The following CIB4 variants were observed in gnomAD, a reference collection of about 807,000 sequenced individuals.
The protein encoded by CIB4 is calcium and integrin binding family member 4, also known as calcium and integrin-binding family member 4.
A neutral mutation model predicts 25.8 loss-of-function variants in CIB4; 25 were observed. The observed-to-expected ratio is 0.97, with a 90% CI of 0.71 to 1.35. CIB4 has a LOEUF of 1.35. Ranked by LOEUF, CIB4 falls within the 40% of genes most tolerant of loss-of-function variation. CIB4 has a pLI of 0.00. For synonymous variants in CIB4, 75 were observed against 81.4 expected, an observed-to-expected ratio of 0.92 and a Z score of 0.42; for missense variants, 235 against 228.2, an observed-to-expected ratio of 1.03 and a Z score of -0.19.
Position 26,595,174 on chromosome 2 carries a change from A to T in CIB4, c.328+2T>A. ...CACCCCTCAGTCCCCCACAGCACCT[A>T]CCATAGATGCGAAAGGCATACTCAA... On this transcript the variant is annotated splice_donor_variant, in intron 4 of 6. Coordinates refer to ENST00000288861, the MANE Select transcript of CIB4 (RefSeq NM_001029881.3). LOFTEE classifies it high-confidence loss of function. 6.2e-7 allele frequency: 1 copy of T among 1,607,312 alleles called. No individual in the cohort carries two copies. The highest frequency in any genetic ancestry group is 1.3e-5 in the African/African-American group (1 of 74,872).
At position 26,627,455 on chromosome 2, in the gene CIB4, C is replaced by T. The variant is rs2148222177; in HGVS notation, c.186+1955G>A. On this transcript the variant is annotated intron_variant, in intron 3 of 6. Transcript: ENST00000288861. The surrounding 1 kb of genome is among the most constrained non-coding windows in gnomAD (Gnocchi z 4.0). ...AGAGAGTCTGGGACTGACCAGTGAC[C>T]CTGCACCCACCCAGGGGAGGGCAGA... 6.6e-6 allele frequency among the ~76,000 whole-genome samples: 1 copy of T among 152,250 alleles called. No homozygotes were observed. The highest frequency in any genetic ancestry group is 2.1e-4 in the South Asian group (1 of 4,818).
chr2:26,589,102 T>TTCC lies in CIB4; in HGVS notation c.329-5205_329-5204insGGA, dbSNP rs1221426403. Among the ~76,000 whole-genome samples, 36 of 70,700 alleles carry TTCC rather than the reference T, an allele frequency of 5.1e-4. 2 individuals are homozygous for TTCC. Among genetic ancestry groups the TTCC allele is most frequent in the Admixed American group, 6.7e-4 (4 of 5,948 alleles). 46.4% of individuals were successfully genotyped at this position (70,700 alleles called of 152,430 possible). On this transcript the variant is annotated intron_variant, in intron 4 of 6. Coordinates refer to ENST00000288861, the MANE Select transcript of CIB4 (RefSeq NM_001029881.3). ...CTTCTTCTTCTTCTTCTTCTTCTTC[T>TTCC]TCTTCCTCTTCTTCTTCTTCTTCTT... is the stretch of plus-strand genomic sequence containing the variant.
At chr2:26,620,195 G>A (rs1302977095) in intron 3 of CIB4, among the ~76,000 whole-genome samples, 5 of 144,984 alleles carry the variant, frequency 3.4e-5, no homozygotes, top group Admixed American at 6.8e-5. Flanking sequence ...CAGACTCCGC[G>A]ACTGAGGAAG....
chr2:26,597,410 C>T (rs1307493131), intron 3 of CIB4, among the ~76,000 whole-genome samples: 1 of 148,824 alleles, frequency 6.7e-6, no homozygotes, highest in Non-Finnish European at 1.5e-5. Context: ...CTCTTTGGAT[C>T]AGTTACGACA....
chr2:26,634,778 G>C (rs910104361), intron 2 of CIB4, among the ~76,000 whole-genome samples: 1 of 152,236 alleles, frequency 6.6e-6, no homozygotes, highest in Admixed American at 6.5e-5. Flanking sequence ...ACCTCCAGAG[G>C]TTCTAGGAAG....
chr2:26,634,538 C>T (rs1374181786), intron 2 of CIB4, among the ~76,000 whole-genome samples: 1 of 152,232 alleles, frequency 6.6e-6, no homozygotes, highest in Non-Finnish European at 1.5e-5. Context: ...GTCCTAATAA[C>T]AACCTTGTGA....
At chr2:26,595,383 T>C (rs1668664134) in intron 3 of CIB4, 66 bp from the exon 4 acceptor site, 3 of 1,536,552 alleles carry the variant, frequency 2.0e-6, no homozygotes. Context: ...CCTGGGTCTC[T>C]CTCATCTATT....
intron 4 of CIB4, among the ~76,000 whole-genome samples, chr2:26,584,524 C>T (rs1668413631): frequency 2.0e-5 from 3 of 152,346 alleles, no homozygotes; most frequent in East Asian, 1.9e-4. Flanking sequence ...TGGGGCTGGC[C>T]ATACTGACCC....
At chr2:26,598,116 A>G (rs1435782834) in intron 3 of CIB4, among the ~76,000 whole-genome samples, 1 of 152,038 alleles carries the variant, frequency 6.6e-6, no homozygotes, top group African/African-American at 2.4e-5. Context: ...CCTGGCCAAC[A>G]TGACGAAACC....
intron 4 of CIB4, among the ~76,000 whole-genome samples, chr2:26,588,788 G>T (rs1263257686): frequency 6.6e-6 from 1 of 152,174 alleles, no homozygotes; most frequent in Admixed American, 6.5e-5. Flanking sequence ...AGGCTGTGCT[G>T]ATGGGAGCAG....
intron 5 of CIB4, among the ~76,000 whole-genome samples, chr2:26,583,379 A>G (rs1394151200): frequency 6.6e-6 from 1 of 152,152 alleles, no homozygotes; most frequent in African/African-American, 2.4e-5. Context: ...ACTCCAGGAC[A>G]CCTGGGCACT....
intron 3 of CIB4, among the ~76,000 whole-genome samples, chr2:26,615,544 C>A (rs10175270): frequency 0.028 from 4,201 of 151,920 alleles, 190 homozygotes; most frequent in African/African-American, 0.095. Flanking sequence ...CCAGGCTACA[C>A]AGCCAGCAGA....
At chr2:26,607,279 T>C (rs976452731) in intron 3 of CIB4, among the ~76,000 whole-genome samples, 2 of 152,182 alleles carry the variant, frequency 1.3e-5, no homozygotes, top group African/African-American at 4.8e-5. Flanking sequence ...TCTTGCAGCT[T>C]TTGACTATAT....
chr2:26,596,695 C>T (rs1377752215), intron 3 of CIB4, among the ~76,000 whole-genome samples: 3 of 151,138 alleles, frequency 2.0e-5, no homozygotes, highest in African/African-American at 7.3e-5. Flanking sequence ...TGCAGTGAGC[C>T]GAGATTGCGC....
At position 26,595,249 on chromosome 2, in the gene CIB4, CA is replaced by C. The variant is rs762561207; in HGVS notation, c.254del (p.Val85GlyfsTer16). The C allele has an allele frequency of 3.7e-6, 6 of 1,614,062 alleles. No homozygotes were observed. Among genetic ancestry groups the C allele is most frequent in the Non-Finnish European group, 4.2e-6 (5 of 1,180,024 alleles). ...SHKGMFSFED[V>X]LGMASVFSEQ... is the part of the protein sequence containing the mutation. ...CGCTGAACACAGATGCCATGCCCAG[CA>C]CATCCTCAAAGGAGAACATGCCTTT... On this transcript the variant is annotated frameshift_variant, in exon 4 of 7. Transcript: ENST00000288861. LOFTEE classifies it high-confidence loss of function.
At chr2:26,614,420 A>T (rs185416952) in intron 3 of CIB4, among the ~76,000 whole-genome samples, 8 of 152,274 alleles carry the variant, frequency 5.3e-5, no homozygotes, top group African/African-American at 1.7e-4. Context: ...TTCAGGCACG[A>T]GCAATACTTT....
intron 2 of CIB4, among the ~76,000 whole-genome samples, chr2:26,632,192 G>C (rs1271367789): frequency 6.6e-6 from 1 of 152,212 alleles, no homozygotes; most frequent in African/African-American, 2.4e-5. Context: ...CAGTGGCATT[G>C]TGCAGATCCA....
At chr2:26,588,997 T>TTCC (rs1668512569) in intron 4 of CIB4, among the ~76,000 whole-genome samples, 11 of 9,952 alleles carry the variant, frequency 1.1e-3, no homozygotes, top group African/African-American at 3.4e-3. Flanking sequence ...CTTCTTCTTC[T>TTCC]TCTTCTTCTT....
chr2:26,609,550 A>T (rs1207380827), intron 3 of CIB4, among the ~76,000 whole-genome samples: 1 of 152,154 alleles, frequency 6.6e-6, no homozygotes, highest in Admixed American at 6.5e-5. Context: ...CAGAAGGAAG[A>T]TGTAGGAGCC....
Sources: allele counts gnomAD v4.1 joint callset (sites outside exome capture counted in the v4.1 genomes callset), GRCh38; gene constraint gnomAD v4.1.1; non-coding constraint Gnocchi (gnomAD v3.1); transcripts MANE v1.5; gene names NCBI Gene and HGNC (gene_info 2026-07-23, HGNC 2026-07-21).